Variants in BRWD3 observed in about 807,000 individuals in gnomAD.
The protein encoded by BRWD3 is bromodomain and WD repeat-containing protein 3.
In BRWD3, 10 loss-of-function variants were observed where a neutral mutation model predicts 149.7. The ratio of observed to expected loss-of-function variants is 0.07; its 90% confidence interval spans 0.04 to 0.11. The LOEUF (loss-of-function observed/expected upper bound fraction) is 0.11, where lower values mean the gene tolerates loss of function less well. Among genes scored for constraint, BRWD3 ranks in the 10% least tolerant of loss-of-function variants. The pLI, the probability that BRWD3 is intolerant of heterozygous loss-of-function variation, is 1.00. For synonymous variants in BRWD3, 504 were observed against 456.7 expected, an observed-to-expected ratio of 1.10 and a Z score of -1.32; for missense variants, 940 against 1,373.2, an observed-to-expected ratio of 0.68 and a Z score of 4.99.
chrX:80,711,644 T>G (rs1053749736), intron 20 of BRWD3, among the ~76,000 whole-genome samples: 33 of 112,097 alleles, frequency 2.9e-4, no homozygotes, highest in Admixed American at 1.9e-4. Context: ...ACCTAGAGGC[T>G]TCTTCTGCGT....
intron 4 of BRWD3, among the ~76,000 whole-genome samples, chrX:80,807,424 C>T (rs139947756): frequency 0.05 from 5,548 of 111,922 alleles, 120 homozygotes; most frequent in Non-Finnish European, 0.07. Context: ...TAAATATAGT[C>T]TTATTGCAAG....
At chrX:80,737,707 T>G (rs1391048020) in intron 8 of BRWD3, among the ~76,000 whole-genome samples, 1 of 112,078 alleles carries the variant, frequency 8.9e-6, no homozygotes, top group African/African-American at 3.2e-5. Context: ...TGGTGGCACA[T>G]GCCTGTAATC....
chrX:80,712,543 G>C (rs867347938), intron 20 of BRWD3, among the ~76,000 whole-genome samples: 1 of 110,011 alleles, frequency 9.1e-6, no homozygotes, highest in Non-Finnish European at 1.9e-5. Flanking sequence ...CCAAAGTGCC[G>C]AGATTGCAGC....
intron 27 of BRWD3, among the ~76,000 whole-genome samples, chrX:80,695,566 G>C (rs986060056): frequency 2.7e-5 from 3 of 111,617 alleles, no homozygotes; most frequent in African/African-American, 9.8e-5. Context: ...GGGAAACAAG[G>C]ATGGAGGAAG....
chrX:80,703,126 T>A (rs1019250896), intron 24 of BRWD3, among the ~76,000 whole-genome samples: 1 of 109,617 alleles, frequency 9.1e-6, no homozygotes, highest in Non-Finnish European at 1.9e-5. Context: ...ACGTGTTTTG[T>A]TTTTTTTTAA....
chrX:80,697,947 T>C (rs2072725057), intron 25 of BRWD3, among the ~76,000 whole-genome samples: 1 of 112,325 alleles, frequency 8.9e-6, no homozygotes, highest in Non-Finnish European at 1.9e-5. Context: ...CATTCTCCTT[T>C]CTCCACAACC....
Position 80,677,303 on chromosome X carries a change from T to G in BRWD3, c.4715A>C (p.Lys1572Thr). ...TTCTGATGCACTAAGTAGTTTTCTCTTGATTCCTGTCCGGGGCTCTCTGCC... is the reference window on the plus strand; with the variant it reads ...TTCTGATGCACTAAGTAGTTTTCTCGTGATTCCTGTCCGGGGCTCTCTGCC... Reference protein sequence around the residue: ...GDGREPRTGIKRKLLSASEED... With the variant: ...GDGREPRTGITRKLLSASEED... Residue 1572 changes from lysine to threonine, a missense_variant, in exon 41 of 41, where the codon AAG (lysine) becomes ACG (threonine). Lys to Thr is a moderately conservative substitution (Grantham distance 78). Coordinates refer to ENST00000373275, the MANE Select transcript of BRWD3 (RefSeq NM_153252.5). 8.3e-7 allele frequency: 1 copy of G among 1,209,176 alleles called. No individual in the cohort carries two copies. The highest frequency in any genetic ancestry group is 1.1e-6 in the Non-Finnish European group (1 of 894,537).
At chrX:80,807,614 G>A (rs940007198) in intron 4 of BRWD3, among the ~76,000 whole-genome samples, 1 of 111,578 alleles carries the variant, frequency 9.0e-6, no homozygotes, top group Non-Finnish European at 1.9e-5. Flanking sequence ...GCTAACACAA[G>A]GGAACCTCCC....
At chrX:80,756,673 T>C (rs1291682975) in intron 6 of BRWD3, among the ~76,000 whole-genome samples, 2 of 111,247 alleles carry the variant, frequency 1.8e-5, no homozygotes, top group Non-Finnish European at 3.8e-5. Context: ...ACAGATACAA[T>C]TGAAAAGTGT....
chrX:80,735,931 C>A, intron 9 of BRWD3, 57 bp downstream of exon 9: 4 of 774,441 alleles, frequency 5.2e-6, no homozygotes, highest in Admixed American at 2.5e-5. Flanking sequence ...TATTAAGAAT[C>A]AAGGCAATAG....
chrX:80,717,682 C>T lies in BRWD3; in HGVS notation c.2122G>A (p.Val708Ile), dbSNP rs921832853. Reference sequence around the variant, plus strand: ...GGAGCATTGTTATGCATTTGTCTAACACCTTCAATTTGACTACTATGTCTT... The same window carrying T: ...GGAGCATTGTTATGCATTTGTCTAATACCTTCAATTTGACTACTATGTCTT... ...LRRHSSQIEG[V>I]RQMHNNAPRS... Residue 708 changes from valine (V) to isoleucine (I), a missense_variant, in exon 19 of 41, where the codon GTT becomes ATT. Coordinates refer to ENST00000373275, the MANE Select transcript of BRWD3 (RefSeq NM_153252.5). The T allele has an allele frequency of 8.3e-7, 1 of 1,211,209 alleles. No individual in the cohort carries two copies. Among genetic ancestry groups the T allele is most frequent in the Non-Finnish European group, 1.1e-6 (1 of 894,929 alleles).
chrX:80,687,765 G>A (rs1461614555), intron 34 of BRWD3, among the ~76,000 whole-genome samples: 1 of 110,092 alleles, frequency 9.1e-6, no homozygotes, highest in African/African-American at 3.3e-5. Context: ...TTTGGGGACT[G>A]AGTCTCTAAT....
At chrX:80,714,219 C>CTTT (rs987098536) in intron 20 of BRWD3, among the ~76,000 whole-genome samples, 347 of 61,698 alleles carry the variant, frequency 5.6e-3, no homozygotes, top group Middle Eastern at 0.011. Flanking sequence ...AAACCTTCAT[C>CTTT]TTTTTTTTTT....
intron 20 of BRWD3, among the ~76,000 whole-genome samples, chrX:80,712,586 A>G (rs2072993225): frequency 9.1e-6 from 1 of 110,268 alleles, no homozygotes; most frequent in Non-Finnish European, 1.9e-5. Context: ...CTGGGAAGTG[A>G]GGAGCGTCTC....
chrX:80,801,631 A>T (rs2074298966), intron 4 of BRWD3, among the ~76,000 whole-genome samples: 1 of 109,800 alleles, frequency 9.1e-6, no homozygotes, highest in Non-Finnish European at 1.9e-5. Context: ...ACTTGAGGTC[A>T]GGAATTCAAG....
At chrX:80,792,783 C>T (rs1188967769) in intron 5 of BRWD3, among the ~76,000 whole-genome samples, 1 of 111,133 alleles carries the variant, frequency 9.0e-6, no homozygotes, top group African/African-American at 3.3e-5. Flanking sequence ...TCAAATACCA[C>T]TTTATGTTTG....
chrX:80,769,406 T>C (rs2073907076), intron 6 of BRWD3, among the ~76,000 whole-genome samples: 1 of 111,856 alleles, frequency 8.9e-6, no homozygotes, highest in Non-Finnish European at 1.9e-5. Context: ...CAGACCACAG[T>C]GCAATCAAAC....
chrX:80,687,100 GTATATATA>G (rs3029738), intron 34 of BRWD3, 97 bp from the exon 35 acceptor site: 811 of 373,407 alleles, frequency 2.2e-3, no homozygotes, highest in Non-Finnish European at 2.5e-3. Flanking sequence ...CTGTATGTGT[GTATATATA>G]TATATATATA....
intron 12 of BRWD3, among the ~76,000 whole-genome samples, chrX:80,730,421 GAAAGAA>G (rs1167995006): frequency 1.9e-5 from 2 of 107,975 alleles, no homozygotes; most frequent in Non-Finnish European, 3.9e-5. Flanking sequence ...AAGAAAGAAA[GAAAGAA>G]AGAAAGAAAG....
Sources: gnomAD v4.1 joint callset for allele counts (sites outside exome capture counted in the v4.1 genomes callset) on GRCh38, gnomAD v4.1.1 for gene constraint, MANE v1.5 for transcripts, NCBI Gene and HGNC (gene_info 2026-07-23, HGNC 2026-07-21) for gene names.